SUZ12: variants seen among roughly 807,000 people sequenced by gnomAD.
SUZ12 encodes the protein SUZ12 polycomb repressive complex 2 subunit, also known as polycomb protein SUZ12.
Under a neutral mutation model 87.3 loss-of-function variants are expected in SUZ12, and 17 were observed. The observed-to-expected ratio is 0.19, with a 90% CI of 0.13 to 0.29. The LOEUF is 0.29. SUZ12 is among the 10% of genes least tolerant of loss of function. The probability of loss-of-function intolerance (pLI) is 1.00; values close to 1 mark genes in which losing one functional copy is unlikely to be tolerated. For synonymous variants in SUZ12, 253 were observed against 312.4 expected, an observed-to-expected ratio of 0.81 and a Z score of 2.01; for missense variants, 526 against 912.2, an observed-to-expected ratio of 0.58 and a Z score of 5.45.
chr17:31,995,065 C>T (rs760837314), intron 13 of SUZ12, among the ~76,000 whole-genome samples: 7 of 151,974 alleles, frequency 4.6e-5, no homozygotes, highest in Non-Finnish European at 8.8e-5. Context: ...CATTGCACTC[C>T]GGCCTGGGCA....
Position 31,940,339 on chromosome 17 carries a change from A to C in SUZ12, c.321+7A>C. The C allele has an allele frequency of 6.2e-7, 1 of 1,613,300 alleles. No individual in the cohort carries two copies. Among genetic ancestry groups the C allele is most frequent in the Non-Finnish European group, 8.5e-7 (1 of 1,179,626 alleles). ...AACTCGGAATCTCATAGCAGTAAGTAGTCAACAAAATTCATCAATATTATT... is the reference window on the plus strand; with the variant it reads ...AACTCGGAATCTCATAGCAGTAAGTCGTCAACAAAATTCATCAATATTATT... On this transcript the variant is annotated splice_region_variant and intron_variant, in intron 2 of 15. Coordinates refer to ENST00000322652, the MANE Select transcript of SUZ12 (RefSeq NM_015355.4).
At chr17:31,984,401 A>G (rs1488201881) in intron 9 of SUZ12, among the ~76,000 whole-genome samples, 2 of 150,908 alleles carry the variant, frequency 1.3e-5, no homozygotes, top group African/African-American at 4.8e-5. Flanking sequence ...AAAAATGAAC[A>G]TTCATAAGCA....
chr17:31,946,713 A>G (rs1484888330), intron 3 of SUZ12, among the ~76,000 whole-genome samples: 2 of 152,324 alleles, frequency 1.3e-5, no homozygotes, highest in East Asian at 1.9e-4. Flanking sequence ...CATTTTTTCT[A>G]ATTAAATTAT....
intron 4 of SUZ12, among the ~76,000 whole-genome samples, chr17:31,964,413 G>GTTTTTTT (rs544646719): frequency 4.3e-3 from 612 of 141,542 alleles, no homozygotes; most frequent in African/African-American, 0.015. Flanking sequence ...AACTCTGTAG[G>GTTTTTTT]TTTTTTTTTT....
At chr17:31,979,408 A>G (rs890176927) in intron 8 of SUZ12, among the ~76,000 whole-genome samples, 63 of 152,310 alleles carry the variant, frequency 4.1e-4, no homozygotes, top group African/African-American at 1.3e-3. Flanking sequence ...GTTGACCTCA[A>G]TAATGTCCTT....
At chr17:31,947,710 T>G in intron 4 of SUZ12, 25 bp downstream of exon 4, 1 of 1,595,528 alleles carries the variant, frequency 6.3e-7, no homozygotes, top group Non-Finnish European at 8.5e-7. Flanking sequence ...CAGTTTACAT[T>G]AAGTGATATA....
At chr17:31,985,853 G>C (rs1909380036) in intron 9 of SUZ12, among the ~76,000 whole-genome samples, 2 of 152,016 alleles carry the variant, frequency 1.3e-5, no homozygotes, top group Admixed American at 1.3e-4. Flanking sequence ...AGTAGAGATG[G>C]AGTTTCACCA....
intron 8 of SUZ12, 67 bp from the exon 9 acceptor site, chr17:31,982,932 G>T (rs1163864571): frequency 3.9e-5 from 55 of 1,401,412 alleles, no homozygotes; most frequent in Non-Finnish European, 5.2e-5. Flanking sequence ...TAAATCTAAA[G>T]ATGTAGAATT....
chr17:31,971,295 T>C (rs922116007), intron 5 of SUZ12, among the ~76,000 whole-genome samples: 1 of 152,206 alleles, frequency 6.6e-6, no homozygotes, highest in Non-Finnish European at 1.5e-5. Flanking sequence ...TCTCTGTGCA[T>C]TCATAATGAA....
intron 3 of SUZ12, among the ~76,000 whole-genome samples, chr17:31,945,955 T>G (rs185288443): frequency 6.6e-6 from 1 of 152,298 alleles, no homozygotes; most frequent in East Asian, 1.9e-4. Context: ...GAGTCCTTTA[T>G]TTTTGTTCTT....
At chr17:31,943,666 A>G (rs2142122630) in intron 3 of SUZ12, among the ~76,000 whole-genome samples, 1 of 152,240 alleles carries the variant, frequency 6.6e-6, no homozygotes, top group East Asian at 1.9e-4. Context: ...TTATTCTATA[A>G]AACTAGTAGA....
chr17:31,977,273 CTTT>C (rs762777458), intron 8 of SUZ12, among the ~76,000 whole-genome samples: 6 of 117,322 alleles, frequency 5.1e-5, no homozygotes, highest in Admixed American at 8.7e-5. Flanking sequence ...GAGATCCCAT[CTTT>C]TTTTTTTTTT....
intron 4 of SUZ12, among the ~76,000 whole-genome samples, chr17:31,955,384 T>C (rs1385007141): frequency 6.6e-6 from 1 of 152,156 alleles, no homozygotes; most frequent in Non-Finnish European, 1.5e-5. Context: ...TGGCCTCAAA[T>C]GATCCTCCTG....
chr17:31,979,350 G>A (rs73990703), intron 8 of SUZ12, among the ~76,000 whole-genome samples: 2,690 of 151,988 alleles, frequency 0.018, 76 homozygotes, highest in African/African-American at 0.06. Flanking sequence ...TATAACCACC[G>A]TACCCTTATG....
Position 31,937,422 on chromosome 17 carries a change from C to T in SUZ12, c.176C>T (p.Ser59Phe). 1 of 1,543,226 alleles carries T rather than the reference C, an allele frequency of 6.5e-7. No homozygotes were observed. Among genetic ancestry groups the T allele is most frequent in the Non-Finnish European group, 8.7e-7 (1 of 1,145,114 alleles). The part of the protein sequence containing the change: ...GGSYSASSSS[S>F]AAAAAGAAVL... ...AGTTACTCGGCCTCCTCCTCCTCCT[C>T]CGCGGCGGCAGCGGCGGGGGCTGCG... The change falls in exon 1 of 16, where the codon TCC (serine) becomes TTC (phenylalanine). Residue 59 changes from serine (S) to phenylalanine (F), a missense_variant. By Grantham distance (155) the Ser-to-Phe change is radical (BLOSUM62 -2). Transcript: ENST00000322652.
intron 5 of SUZ12, chr17:31,966,440 C>T (rs756947988): frequency 8.5e-5 from 32 of 376,964 alleles, no homozygotes; most frequent in Non-Finnish European, 1.3e-4. Context: ...CTCCACCTCC[C>T]GGGTTCAAGC....
intron 5 of SUZ12, chr17:31,966,444 TTCAAGCGATTC>T (rs1908091581): frequency 2.7e-6 from 1 of 365,664 alleles, no homozygotes; most frequent in African/African-American, 2.1e-5. Context: ...ACCTCCCGGG[TTCAAGCGATTC>T]TCCTGCCTCA....
intron 4 of SUZ12, among the ~76,000 whole-genome samples, chr17:31,958,362 TG>T (rs1907492757): frequency 6.6e-6 from 1 of 152,186 alleles, no homozygotes; most frequent in African/African-American, 2.4e-5. Flanking sequence ...AGAGAACTAT[TG>T]TATTAATGAT....
chr17:31,955,473 G>A (rs1443452338), intron 4 of SUZ12, among the ~76,000 whole-genome samples: 1 of 151,978 alleles, frequency 6.6e-6, no homozygotes, highest in African/African-American at 2.4e-5. Flanking sequence ...TGTAGCCGGG[G>A]CACGGTGACT....
Sources: allele counts gnomAD v4.1 joint callset (sites outside exome capture counted in the v4.1 genomes callset), GRCh38; gene constraint gnomAD v4.1.1; transcripts MANE v1.5; gene names NCBI Gene and HGNC (gene_info 2026-07-23, HGNC 2026-07-21).